SLC17A6: variants seen among roughly 807,000 people sequenced by gnomAD.
SLC17A6 encodes the protein vesicular glutamate transporter 2.
In SLC17A6, 35 loss-of-function variants were observed where a neutral mutation model predicts 67.1. The ratio of observed to expected loss-of-function variants is 0.52; its 90% CI spans 0.40 to 0.69. The LOEUF is 0.69. Ranked by LOEUF, SLC17A6 falls within the 30% of genes least tolerant of loss-of-function variation. The pLI, the probability that SLC17A6 is intolerant of heterozygous loss-of-function variation, is 0.00. For missense variants in SLC17A6, 588 were observed against 723.9 expected, an observed-to-expected ratio of 0.81 and a Z score of 2.15; for synonymous variants, 285 against 252.3, an observed-to-expected ratio of 1.13 and a Z score of -1.23.
chr11:22,343,594 C>T (rs915213808), intron 3 of SLC17A6, among the ~76,000 whole-genome samples: 1 of 152,166 alleles, frequency 6.6e-6, no homozygotes, highest in Admixed American at 6.5e-5. Flanking sequence ...GGCCTCCTTC[C>T]CTCTGCTGTG....
At chr11:22,374,016 A>T (rs1238747583) in intron 8 of SLC17A6, among the ~76,000 whole-genome samples, 1 of 152,204 alleles carries the variant, frequency 6.6e-6, no homozygotes, top group Non-Finnish European at 1.5e-5. Flanking sequence ...TATTAAGTCC[A>T]CGTATGCGGT....
At chr11:22,344,740 A>G (rs1350772316) in intron 3 of SLC17A6, among the ~76,000 whole-genome samples, 4 of 152,214 alleles carry the variant, frequency 2.6e-5, no homozygotes, top group Admixed American at 6.5e-5. Flanking sequence ...CTCATTAACT[A>G]TGTAGAGAAC....
In SLC17A6 at chr11:22,338,542, C is replaced by T. The variant is rs1440272285; in HGVS notation, c.9C>T (p.Ser3=). The change falls in exon 1 of 12, where the codon TCC becomes TCT. Residue 3 remains serine, a synonymous_variant. Transcript: ENST00000263160. Reference sequence around the variant, plus strand: ...CAACAGTCTTTGCAAGAATGGAATCCGTAAAACAAAGGATTTTGGCCCCAG... The same window carrying T: ...CAACAGTCTTTGCAAGAATGGAATCTGTAAAACAAAGGATTTTGGCCCCAG... ME[S]VKQRILAPGK... is the part of the protein sequence containing the mutation. The T allele has an allele frequency of 2.5e-6, 4 of 1,612,266 alleles. No individual in the cohort carries two copies. Among genetic ancestry groups the T allele is most frequent in the Non-Finnish European group, 3.4e-6 (4 of 1,178,638 alleles).
chr11:22,343,105 A>G, intron 2 of SLC17A6, 142 bp from the exon 3 acceptor site: 1 of 745,980 alleles, frequency 1.3e-6, no homozygotes, highest in Non-Finnish European at 2.4e-6. Flanking sequence ...TTTGTTAGGA[A>G]ACGAAAATGA....
chr11:22,361,034 A>T (rs1564983411), intron 5 of SLC17A6, 50 bp downstream of exon 5: 1 of 1,521,092 alleles, frequency 6.6e-7, no homozygotes, highest in Non-Finnish European at 9.1e-7. Flanking sequence ...TTTAGGAACA[A>T]CTTGAATAAG....
chr11:22,356,796 A>T (rs1378202272), intron 3 of SLC17A6, among the ~76,000 whole-genome samples: 2 of 152,262 alleles, frequency 1.3e-5, no homozygotes, highest in African/African-American at 4.8e-5. Flanking sequence ...AGATAGTGCC[A>T]CTGCACTCCA....
intron 3 of SLC17A6, among the ~76,000 whole-genome samples, chr11:22,346,804 G>A (rs182355605): frequency 0.013 from 1,901 of 147,704 alleles, 44 homozygotes; most frequent in African/African-American, 0.044. Flanking sequence ...GGCATAAATA[G>A]CATATATATA....
chr11:22,356,505 T>A (rs1855994547), intron 3 of SLC17A6, among the ~76,000 whole-genome samples: 1 of 152,098 alleles, frequency 6.6e-6, no homozygotes, highest in Non-Finnish European at 1.5e-5. Context: ...GATTTTGAGA[T>A]GAAGCGCCCA....
chr11:22,365,570 A>G lies in SLC17A6; in HGVS notation c.772A>G (p.Met258Val), dbSNP rs760879211. The G allele has an allele frequency of 1.2e-6, 2 of 1,614,018 alleles. No individual in the cohort carries two copies. The highest frequency in any genetic ancestry group is 1.7e-5 in the Admixed American group (1 of 60,022). The change falls in exon 7 of 12, where the codon ATG (methionine) becomes GTG (valine). Residue 258 changes from methionine to valine, a missense_variant. Met to Val is a conservative substitution (Grantham distance 21, BLOSUM62 1). This residue lies in a region of SLC17A6 where 414 missense variants were observed against 563.4 expected (regional missense o/e 0.73). Coordinates refer to ENST00000263160, the MANE Select transcript of SLC17A6 (RefSeq NM_020346.3). ...VYGSFGMVWY[M>V]FWLLVSYESP... ...AGGAAGCTTTGGAATGGTCTGGTAC[A>G]TGTTTTGGCTTTTGGTGTCTTATGA...
chr11:22,373,158 A>G (rs1161129285), intron 8 of SLC17A6, among the ~76,000 whole-genome samples: 1 of 152,202 alleles, frequency 6.6e-6, no homozygotes, highest in African/African-American at 2.4e-5. Context: ...GTTCAAATAG[A>G]TAGTAAATAA....
rs186601970 is a variant in SLC17A6, at chr11:22,375,467, G to A, written c.1175-515G>A. 2.2e-3 allele frequency among the ~76,000 whole-genome samples: 337 copies of A among 151,932 alleles called. 3 individuals are homozygous for A. Among genetic ancestry groups the A allele is most frequent in the African/African-American group, 7.5e-3 (310 of 41,464 alleles). On this transcript the variant is annotated intron_variant, in intron 9 of 11. Coordinates refer to ENST00000263160, the MANE Select transcript of SLC17A6 (RefSeq NM_020346.3). Reference sequence around the variant, plus strand: ...ATCATTGAAACTTTAGGTTGTTTTGGATGTTTTTCTTTGTTTGTTTTTGTG... The same window carrying A: ...ATCATTGAAACTTTAGGTTGTTTTGAATGTTTTTCTTTGTTTGTTTTTGTG...
At chr11:22,349,812 A>G (rs917890921) in intron 3 of SLC17A6, among the ~76,000 whole-genome samples, 2 of 152,214 alleles carry the variant, frequency 1.3e-5, no homozygotes, top group African/African-American at 4.8e-5. Context: ...TGGGGGCATC[A>G]GATGTGACAA....
At chr11:22,349,767 G>T (rs1180970210) in intron 3 of SLC17A6, among the ~76,000 whole-genome samples, 2 of 152,180 alleles carry the variant, frequency 1.3e-5, no homozygotes, top group Non-Finnish European at 2.9e-5. Flanking sequence ...CAGAGGGTTG[G>T]CTCATGCCTG....
intron 6 of SLC17A6, among the ~76,000 whole-genome samples, chr11:22,364,516 T>G (rs1856087027): frequency 6.6e-6 from 1 of 152,184 alleles, no homozygotes; most frequent in African/African-American, 2.4e-5. Flanking sequence ...CTGTAAACAC[T>G]ATATTATTCT....
rs5790260 is a variant in SLC17A6, at chr11:22,376,103, A to AT, written c.1285+19dup. The AT allele has an allele frequency of 1.4e-5, 22 of 1,587,164 alleles. No homozygotes were observed. Among genetic ancestry groups the AT allele is most frequent in the South Asian group, 6.8e-5 (6 of 88,094 alleles). ...GATTTGCTATATCTGGTAAGATATAATTTTTTTTCTTTGTACTTGGGACAT... is the reference window on the plus strand; with the variant it reads ...GATTTGCTATATCTGGTAAGATATAATTTTTTTTTCTTTGTACTTGGGACAT... On this transcript the variant is annotated intron_variant, in intron 10 of 11. Coordinates refer to ENST00000263160, the MANE Select transcript of SLC17A6 (RefSeq NM_020346.3).
At chr11:22,361,794 C>T (rs1000371450) in intron 5 of SLC17A6, among the ~76,000 whole-genome samples, 28 of 152,214 alleles carry the variant, frequency 1.8e-4, no homozygotes, top group Non-Finnish European at 3.5e-4. Flanking sequence ...TCAGAATGCA[C>T]GTTTTACTCT....
intron 10 of SLC17A6, 123 bp from the exon 11 acceptor site, chr11:22,376,422 A>C: frequency 9.4e-7 from 1 of 1,065,332 alleles, no homozygotes; most frequent in Non-Finnish European, 1.4e-6. Flanking sequence ...AAATTATCAC[A>C]AAGTAATTAA....
At chr11:22,339,164 T>A (rs1026947979) in intron 1 of SLC17A6, among the ~76,000 whole-genome samples, 1 of 56,888 alleles carries the variant, frequency 1.8e-5, no homozygotes, top group Non-Finnish European at 3.0e-5. Flanking sequence ...TATATATATA[T>A]GTTATATATA....
At chr11:22,374,003 G>C (rs1856202575) in intron 8 of SLC17A6, among the ~76,000 whole-genome samples, 1 of 152,146 alleles carries the variant, frequency 6.6e-6, no homozygotes, top group Non-Finnish European at 1.5e-5. Context: ...TACATTCAAA[G>C]TTTATTAAGT....
Sources: gnomAD v4.1 joint callset for allele counts (sites outside exome capture counted in the v4.1 genomes callset) on GRCh38, gnomAD v4.1.1 for gene constraint, gnomAD v4.1.1 regional missense constraint, MANE v1.5 for transcripts, NCBI Gene and HGNC (gene_info 2026-07-23, HGNC 2026-07-21) for gene names.